GON4L: variants seen among roughly 807,000 people sequenced by gnomAD.
GON4L encodes the protein gon-4 like.
In GON4L, 87 loss-of-function variants were observed where a neutral mutation model predicts 211.8. The observed-to-expected ratio is 0.41, with a 90% CI of 0.35 to 0.49. The LOEUF (loss-of-function observed/expected upper bound fraction) is 0.49, where lower values mean the gene tolerates loss of function less well. Among genes scored for constraint, GON4L ranks in the 20% least tolerant of loss-of-function variants. GON4L has a pLI of 0.15. For missense variants in GON4L, 2,155 were observed against 2,659.5 expected (o/e 0.81, Z 4.17); for synonymous variants, 875 against 962.6 (o/e 0.91, Z 1.68).
At chr1:155,855,437 G>C (rs892898095) in intron 1 of GON4L, among the ~76,000 whole-genome samples, 1 of 151,950 alleles carries the variant, frequency 6.6e-6, no homozygotes, top group African/African-American at 2.4e-5. Flanking sequence ...GTTCGCTGCA[G>C]CCTCGACCTC....
At chr1:155,797,110 A>G (rs1666139380) in intron 11 of GON4L, among the ~76,000 whole-genome samples, 1 of 149,510 alleles carries the variant, frequency 6.7e-6, no homozygotes, top group Non-Finnish European at 1.5e-5. Context: ...CTCCCACAAT[A>G]TTTTTTTTTT....
chr1:155,858,834 G>C (rs1672476200), upstream of GON4L, among the ~76,000 whole-genome samples: 1 of 150,630 alleles, frequency 6.6e-6, no homozygotes, highest in African/African-American at 2.4e-5. Flanking sequence ...AGCCTCCCAA[G>C]TAGCGTGTGC....
intron 2 of GON4L, among the ~76,000 whole-genome samples, chr1:155,838,013 T>C (rs1160389337): frequency 6.6e-6 from 1 of 152,084 alleles, no homozygotes; most frequent in Non-Finnish European, 1.5e-5. Context: ...CCTCCCAACC[T>C]TTTGGGAGGC....
chr1:155,793,602 C>T (rs184836435), intron 12 of GON4L, among the ~76,000 whole-genome samples: 1 of 152,244 alleles, frequency 6.6e-6, no homozygotes, highest in African/African-American at 2.4e-5. Flanking sequence ...GCTTGACACA[C>T]TAGCCAATGA....
downstream of GON4L, chr1:155,748,781 C>T: frequency 6.2e-7 from 1 of 1,613,046 alleles, no homozygotes; most frequent in Non-Finnish European, 8.5e-7. Flanking sequence ...CAGAGCATGC[C>T]ACACAAGGTG....
chr1:155,796,144 C>T (rs74597935), intron 11 of GON4L, among the ~76,000 whole-genome samples: 6,304 of 151,912 alleles, frequency 0.041, 158 homozygotes, highest in Non-Finnish European at 0.048. Flanking sequence ...ACAATATATA[C>T]ATAATAATCA....
chr1:155,798,487 G>C (rs1406068891), intron 11 of GON4L, among the ~76,000 whole-genome samples: 1 of 143,630 alleles, frequency 7.0e-6, no homozygotes, highest in African/African-American at 2.6e-5. Context: ...TCGGCTCGCT[G>C]CAAGCTCTGC....
downstream of GON4L, chr1:155,747,413 G>C: frequency 7.6e-7 from 1 of 1,310,112 alleles, no homozygotes; most frequent in Non-Finnish European, 1.0e-6. Context: ...GATGGGTATG[G>C]GGACCCCAGA....
At chr1:155,831,131 TCG>T in intron 2 of GON4L, among the ~76,000 whole-genome samples, 1 of 151,986 alleles carries the variant, frequency 6.6e-6, no homozygotes, top group Non-Finnish European at 1.5e-5. Flanking sequence ...AAACGCTATC[TCG>T]ACAAAAAATA....
intron 2 of GON4L, among the ~76,000 whole-genome samples, chr1:155,851,939 T>C (rs1671833640): frequency 6.6e-6 from 1 of 151,770 alleles, no homozygotes; most frequent in Non-Finnish European, 1.5e-5. Flanking sequence ...CCAAGGTACG[T>C]GGATCACCTG....
chr1:155,824,073 T>C (rs562796128), intron 3 of GON4L, among the ~76,000 whole-genome samples: 7 of 151,934 alleles, frequency 4.6e-5, no homozygotes, highest in Non-Finnish European at 1.0e-4. Context: ...CTATAGAATG[T>C]TCACAGCAGC....
Position 155,776,404 on chromosome 1 carries a change from C to T in GON4L, c.2169G>A (p.Arg723=). 6.2e-7 allele frequency: 1 copy of T among 1,605,132 alleles called. No individual in the cohort carries two copies. Among genetic ancestry groups the T allele is most frequent in the Non-Finnish European group, 8.5e-7 (1 of 1,171,988 alleles). ...PNLNPEATTT[R]IFLKELGTFA... is the part of the protein sequence containing the mutation. ...ATATTTGGAAACTTACAAGAAATAT[C>T]CTGGTGGTAGTGGCCTCCGGATTGA... is the stretch of plus-strand genomic sequence containing the variant. Residue 723 remains arginine (R), a synonymous_variant, in exon 16 of 32, where the codon AGG becomes AGA. Transcript: ENST00000368331.
intron 27 of GON4L, among the ~76,000 whole-genome samples, chr1:155,755,690 C>T (rs1388534896): frequency 2.0e-5 from 3 of 152,146 alleles, no homozygotes; most frequent in Non-Finnish European, 2.9e-5. Flanking sequence ...GGCAAAATCA[C>T]TGGAGAGCTC....
In GON4L at chr1:155,826,844, A is replaced by T. The variant is rs1669260218; in HGVS notation, c.690T>A (p.Ile230=). The change falls in exon 3 of 32, where the codon ATT becomes ATA. Residue 230 remains isoleucine, a synonymous_variant. Coordinates refer to ENST00000368331, the MANE Select transcript of GON4L (RefSeq NM_001282860.2). ...EEEIEDGGLF[I]PMEEQDNEES... The stretch of plus-strand genomic sequence containing the variant: ...AAGAAAAAGAAAGCCTACCCATTGG[A>T]ATGAAGAGTCCACCATCTTCTATCT... The T allele has an allele frequency of 6.2e-7, 1 of 1,605,654 alleles. No individual in the cohort carries two copies. Among genetic ancestry groups the T allele is most frequent in the East Asian group, 2.2e-5 (1 of 44,856 alleles).
chr1:155,751,981 T>A lies in GON4L; in HGVS notation c.6452A>T (p.Glu2151Val). ...ANNSKVSSTGEKVVLWTREAD... is the reference protein window; with the variant it reads ...ANNSKVSSTGVKVVLWTREAD... Reference sequence around the variant, plus strand: ...CTACCTTGTCCACAGGACAACCTTTTCCCCAGTGGAGCTGACCTTGCTGTT... The same window carrying A: ...CTACCTTGTCCACAGGACAACCTTTACCCCAGTGGAGCTGACCTTGCTGTT... The change falls in exon 30 of 32, where the codon GAA (glutamate) becomes GTA (valine). Residue 2151 changes from glutamate (E) to valine (V), a missense_variant. Physicochemically the swap from Glu to Val is moderately radical, Grantham distance 121. This residue lies in a region of GON4L where 186 missense variants were observed against 308.1 expected (regional missense o/e 0.60). Transcript: ENST00000368331. 6.2e-7 allele frequency: 1 copy of A among 1,612,168 alleles called. No individual in the cohort carries two copies. The highest frequency in any genetic ancestry group is 8.5e-7 in the Non-Finnish European group (1 of 1,178,502).
At position 155,766,399 on chromosome 1, in the gene GON4L, G is replaced by A. The variant is rs1422700284; in HGVS notation, c.3074C>T (p.Ser1025Leu). 6.2e-7 allele frequency: 1 copy of A among 1,614,170 alleles called. No individual in the cohort carries two copies. The highest frequency in any genetic ancestry group is 8.5e-7 in the Non-Finnish European group (1 of 1,180,032). The change falls in exon 21 of 32, where the codon TCA becomes TTA. Residue 1025 changes from serine (S) to leucine (L), a missense_variant. Around this residue, in one of 6 missense-constraint regions of GON4L, gnomAD observed 615 missense variants for 625.7 expected, o/e 0.98. Transcript: ENST00000368331. The part of the protein sequence containing the change: ...SFNPGKTPAR[S>L]THSEAPPSKM... ...GCTCGGAGGGGCTTCTGAATGAGTT[G>A]ATCGGGCTGGTGTTTTCCCAGGGTT...
At chr1:155,745,536 T>C (rs535381415), downstream of GON4L, among the ~76,000 whole-genome samples, 1 of 152,328 alleles carries the variant, frequency 6.6e-6, no homozygotes, top group South Asian at 2.1e-4. Context: ...GCCCGCGCCC[T>C]GGCGGCCCCA....
At chr1:155,784,313 G>A in intron 13 of GON4L, 2 of 388,032 alleles carry the variant, frequency 5.2e-6, no homozygotes, top group South Asian at 4.2e-5. Context: ...ACTTGTAACA[G>A]TAAGGACAGA....
chr1:155,831,571 G>C (rs1479702132), intron 2 of GON4L: 1 of 152,004 alleles, frequency 6.6e-6, no homozygotes, highest in Non-Finnish European at 1.5e-5. Flanking sequence ...GAAGCAGCAG[G>C]ATCATTTAAG....
Sources: gnomAD v4.1 joint callset for allele counts (sites outside exome capture counted in the v4.1 genomes callset) on GRCh38, gnomAD v4.1.1 for gene constraint, gnomAD v4.1.1 regional missense constraint, MANE v1.5 for transcripts, NCBI Gene and HGNC (gene_info 2026-07-23, HGNC 2026-07-21) for gene names.